Variants in NELFB observed in about 807,000 individuals in gnomAD.
The protein encoded by NELFB is negative elongation factor B.
NELFB carries 34 observed loss-of-function variants against 60.2 expected under a neutral mutation model. That is an observed-to-expected ratio of 0.56 (90% CI 0.43 to 0.75). NELFB has a LOEUF of 0.75. Ranked by LOEUF, NELFB falls within the 30% of genes least tolerant of loss-of-function variation. The pLI, the probability that NELFB is intolerant of heterozygous loss-of-function variation, is 0.00. For synonymous variants in NELFB, 459 were observed against 382.1 expected (o/e 1.20, Z -2.35); for missense variants, 770 against 831.6 (o/e 0.93, Z 0.91).
intron 9 of NELFB, 35 bp downstream of exon 9, chr9:137,267,121 G>A (rs758099741): frequency 1.9e-5 from 31 of 1,613,260 alleles, no homozygotes; most frequent in Admixed American, 1.5e-4. Context: ...AGGGGTGGCC[G>A]TGGCGCAGGG....
In NELFB at chr9:137,272,953, C is replaced by T. The variant is rs2118993471; in HGVS notation, c.*25C>T. On this transcript the variant is annotated 3_prime_UTR_variant, in exon 13 of 13. Transcript: ENST00000343053. Reference sequence around the variant, plus strand: ...AGGGCCCTCCAGACCTGCTCGGGTGCTGGGGCCATGCCGAGTCGCGGCCCT... The same window carrying T: ...AGGGCCCTCCAGACCTGCTCGGGTGTTGGGGCCATGCCGAGTCGCGGCCCT... 3 of 1,486,898 alleles carry T rather than the reference C, an allele frequency of 2.0e-6. No individual in the cohort carries two copies. Among genetic ancestry groups the T allele is most frequent in the Admixed American group, 2.4e-5 (1 of 41,788 alleles). 92.1% of individuals were successfully genotyped at this position (1,486,898 alleles called of 1,614,324 possible).
At position 137,273,135 on chromosome 9, in the gene NELFB, A is replaced by G; in HGVS notation, c.*207A>G. 1 of 493,280 alleles carries G rather than the reference A, an allele frequency of 2.0e-6. No individual in the cohort carries two copies. The highest frequency in any genetic ancestry group is 3.5e-6 in the Non-Finnish European group (1 of 284,206). 30.6% of individuals were successfully genotyped at this position (493,280 alleles called of 1,614,324 possible). A position where few individuals can be genotyped will look rare whatever the true frequency, so the allele number is the denominator to read the frequency against. On this transcript the variant is annotated 3_prime_UTR_variant, in exon 13 of 13. Coordinates refer to ENST00000343053, the MANE Select transcript of NELFB (RefSeq NM_015456.5). The stretch of plus-strand genomic sequence containing the variant: ...CCATCCATGCAGTGGCTCCCAGGGC[A>G]GAGCCTCTCCTTGTACTTTGGCAGC...
chr9:137,256,008 G>A lies in NELFB; in HGVS notation c.348G>A (p.Glu116=). 6.2e-7 allele frequency: 1 copy of A among 1,613,944 alleles called. No homozygotes were observed. ...AGTTCCACCAGTCGGTATTCGATGA[G>A]CTGCGGGACAAGCTGCTGGAGCGAG... The change falls in exon 2 of 13, where the codon GAG becomes GAA. Residue 116 remains glutamate (E), a synonymous_variant. Transcript: ENST00000343053.
intron 10 of NELFB, among the ~76,000 whole-genome samples, chr9:137,268,995 G>A (rs930950623): frequency 1.1e-4 from 16 of 152,132 alleles, no homozygotes; most frequent in African/African-American, 3.9e-4. Flanking sequence ...TGCTAACAGC[G>A]AGAACGCTTT....
intron 8 of NELFB, 121 bp downstream of exon 8, chr9:137,266,547 C>G (rs771128260): frequency 1.1e-4 from 90 of 830,990 alleles, no homozygotes; most frequent in Non-Finnish European, 1.6e-4. Flanking sequence ...AAGCTTCCTT[C>G]CTGGAGCTGC....
Position 137,255,413 on chromosome 9 carries a change from A to C in NELFB, c.48A>C (p.Arg16=). The C allele has an allele frequency of 9.4e-7, 1 of 1,067,968 alleles. No homozygotes were observed. The allele number at this position is 1,067,968 out of a possible 1,614,324, so 66.2% of individuals were successfully genotyped here. ...GGGAGCGGGGCTCGGGCGGTCCCCGAGGCCCGGCGGAGCGGGCTTCTGGGG... is the reference window on the plus strand; with the variant it reads ...GGGAGCGGGGCTCGGGCGGTCCCCGCGGCCCGGCGGAGCGGGCTTCTGGGG... Residue 16 remains arginine (R), a synonymous_variant, in exon 1 of 13, where the codon CGA becomes CGC. Transcript: ENST00000343053.
chr9:137,263,291 T>TCCCACTCCCCGGCCCTCCCTCCTTCCCC, intron 5 of NELFB, 69 bp downstream of exon 5: 1 of 1,186,246 alleles, frequency 8.4e-7, no homozygotes, highest in South Asian at 1.4e-5. Context: ...CCTCCTTCCC[T>TCCCACTCCCCGGCCCTCCCTCCTTCCCC]CCCACTCCCC....
At chr9:137,268,912 G>C (rs959671861) in intron 10 of NELFB, among the ~76,000 whole-genome samples, 3 of 152,170 alleles carry the variant, frequency 2.0e-5, no homozygotes, top group Non-Finnish European at 2.9e-5. Flanking sequence ...GAGAGACAGA[G>C]CTAGAGATGA....
chr9:137,256,599 C>T (rs1236417717), intron 3 of NELFB, among the ~76,000 whole-genome samples, 171 bp downstream of exon 3: 2 of 152,214 alleles, frequency 1.3e-5, no homozygotes, highest in East Asian at 3.8e-4. Context: ...CGCGTGGAGA[C>T]CGAACCTTAG....
intron 4 of NELFB, 41 bp from the exon 5 acceptor site, chr9:137,262,996 C>T (rs778186224): frequency 1.9e-6 from 3 of 1,596,600 alleles, no homozygotes; most frequent in East Asian, 2.2e-5. Flanking sequence ...TCTGGCGGAG[C>T]CCAGGACGGT....
At chr9:137,257,448 G>A (rs965065178) in intron 4 of NELFB, among the ~76,000 whole-genome samples, 2 of 150,056 alleles carry the variant, frequency 1.3e-5, no homozygotes, top group African/African-American at 2.5e-5. Context: ...TCAGTCTCCC[G>A]AGTAGCTGGG....
intron 10 of NELFB, among the ~76,000 whole-genome samples, chr9:137,270,783 C>T (rs529127425): frequency 4.0e-5 from 6 of 151,746 alleles, no homozygotes; most frequent in Non-Finnish European, 7.4e-5. Flanking sequence ...TAGCCCGGCG[C>T]GGTGGCGCAC....
chr9:137,256,904 C>A lies in NELFB; in HGVS notation c.591C>A (p.Ile197=). 2 of 1,614,232 alleles carry A rather than the reference C, an allele frequency of 1.2e-6. No individual in the cohort carries two copies. The highest frequency in any genetic ancestry group is 1.7e-6 in the Non-Finnish European group (2 of 1,180,050). The change falls in exon 4 of 13, where the codon ATC becomes ATA. Residue 197 remains isoleucine (I), a synonymous_variant. Coordinates refer to ENST00000343053, the MANE Select transcript of NELFB (RefSeq NM_015456.5). ...GCGCCGTGGAGGTGAAGCGGCAGATCTGGCAAGACAACCAGGCCCTCTTCG... is the reference window on the plus strand; with the variant it reads ...GCGCCGTGGAGGTGAAGCGGCAGATATGGCAAGACAACCAGGCCCTCTTCG...
chr9:137,256,528 C>T (rs186598717), intron 3 of NELFB, 100 bp downstream of exon 3: 113 of 1,042,614 alleles, frequency 1.1e-4, no homozygotes, highest in Non-Finnish European at 1.6e-4. Context: ...CGGGAGCTTC[C>T]TGTGCTGCCT....
At chr9:137,263,343 T>C in intron 5 of NELFB, 121 bp downstream of exon 5, 1 of 671,948 alleles carries the variant, frequency 1.5e-6, no homozygotes. Flanking sequence ...AAGGTAGCGC[T>C]GCCCTCCCTC....
chr9:137,262,905 G>C, intron 4 of NELFB, 132 bp from the exon 5 acceptor site: 1 of 847,290 alleles, frequency 1.2e-6, no homozygotes. Flanking sequence ...AATGAGAGGA[G>C]GGAATGTTTT....
rs1204976079 is a variant in NELFB, at chr9:137,256,942, C to T, written c.629C>T (p.Ser210Phe). The T allele has an allele frequency of 6.2e-7, 1 of 1,614,064 alleles. No homozygotes were observed. Among genetic ancestry groups the T allele is most frequent in the Admixed American group, 1.7e-5 (1 of 60,016 alleles). The stretch of plus-strand genomic sequence containing the variant: ...CAGGCCCTCTTCGGGGACGAGGTTT[C>T]CCCACTCCTGAAGCAGTACATCCTG... The change falls in exon 4 of 13, where the codon TCC (serine) becomes TTC (phenylalanine). Residue 210 changes from serine to phenylalanine, a missense_variant. By Grantham distance (155) the Ser-to-Phe change is radical. Coordinates refer to ENST00000343053, the MANE Select transcript of NELFB (RefSeq NM_015456.5).
At chr9:137,267,125 C>A in intron 9 of NELFB, 39 bp downstream of exon 9, 1 of 1,613,072 alleles carries the variant, frequency 6.2e-7, no homozygotes, top group Non-Finnish European at 8.5e-7. Flanking sequence ...GTGGCCGTGG[C>A]GCAGGGATGG....
Position 137,272,585 on chromosome 9 carries a change from G to T in NELFB, c.1710G>T (p.Ala570=), listed in dbSNP as rs371675250. Residue 570 remains alanine, a synonymous_variant, in exon 12 of 13, where the codon GCG becomes GCT. Transcript: ENST00000343053. ...GGGTGGCCCCGTCTAAGCTGGAGGC[G>T]TTGCAGAAGGCCCTGGAGCCTACAG... is the stretch of plus-strand genomic sequence containing the variant. The T allele has an allele frequency of 1.2e-6, 2 of 1,607,484 alleles. No homozygotes were observed. Among genetic ancestry groups the T allele is most frequent in the South Asian group, 2.2e-5 (2 of 90,002 alleles).
Sources: gnomAD v4.1 joint callset for allele counts (sites outside exome capture counted in the v4.1 genomes callset) on GRCh38, gnomAD v4.1.1 for gene constraint, MANE v1.5 for transcripts, NCBI Gene and HGNC (gene_info 2026-07-23, HGNC 2026-07-21) for gene names.